CTNNA2: variants seen among roughly 807,000 people sequenced by gnomAD.
The protein encoded by CTNNA2 is catenin alpha 2.
In CTNNA2, 42 loss-of-function variants were observed where a neutral mutation model predicts 101.0. That is an observed-to-expected ratio of 0.42 (90% confidence interval 0.32 to 0.54). The LOEUF is 0.54. Among genes scored for constraint, CTNNA2 ranks in the 20% least tolerant of loss-of-function variants. The pLI is 0.14. For missense variants in CTNNA2, 871 were observed against 1,223.1 expected, an observed-to-expected ratio of 0.71 and a Z score of 4.29; for synonymous variants, 450 against 456.4, an observed-to-expected ratio of 0.99 and a Z score of 0.18.
chr2:79,607,955 A>G (rs183604737), intron 1 of CTNNA2, among the ~76,000 whole-genome samples: 1 of 152,118 alleles, frequency 6.6e-6, no homozygotes, highest in Admixed American at 6.5e-5. Context: ...AGCAGAGAAA[A>G]TCAGTGAAAA....
At chr2:79,987,825 G>T (rs1691873628) in intron 7 of CTNNA2, among the ~76,000 whole-genome samples, 1 of 152,180 alleles carries the variant, frequency 6.6e-6, no homozygotes, top group Admixed American at 6.5e-5. Context: ...AGTGGAAAAT[G>T]CCCAGAATAC....
chr2:79,629,695 C>G (rs1381418628), intron 1 of CTNNA2, among the ~76,000 whole-genome samples: 1 of 152,138 alleles, frequency 6.6e-6, no homozygotes, highest in Admixed American at 6.5e-5. Context: ...GCATTATGAT[C>G]TCAGTGTCTC....
At chr2:80,547,456 T>A (rs550768429) in intron 11 of CTNNA2, among the ~76,000 whole-genome samples, 8 of 152,240 alleles carry the variant, frequency 5.3e-5, no homozygotes, top group African/African-American at 1.7e-4. Flanking sequence ...ACTCTATAAT[T>A]CTCAATATGT....
chr2:80,644,742 C>T (rs1673879361), intron 18 of CTNNA2, among the ~76,000 whole-genome samples: 1 of 152,054 alleles, frequency 6.6e-6, no homozygotes, highest in Admixed American at 6.5e-5. Context: ...GTTCAGTTGG[C>T]TGGATCTCTC....
chr2:80,208,675 C>A (rs911712657), intron 7 of CTNNA2, among the ~76,000 whole-genome samples: 2 of 152,114 alleles, frequency 1.3e-5, no homozygotes, highest in Non-Finnish European at 2.9e-5. Flanking sequence ...GGATCCAGGC[C>A]TCAGGCATAG....
intron 7 of CTNNA2, among the ~76,000 whole-genome samples, chr2:80,263,524 T>G (rs1208522242): frequency 2.6e-5 from 4 of 152,104 alleles, no homozygotes; most frequent in Non-Finnish European, 4.4e-5. Flanking sequence ...TTAGTACAGA[T>G]GGGGTTTCAC....
intron 7 of CTNNA2, among the ~76,000 whole-genome samples, chr2:79,955,199 A>C (rs973697284): frequency 3.3e-5 from 5 of 152,148 alleles, no homozygotes; most frequent in Non-Finnish European, 7.3e-5. Context: ...AGATCTCTTC[A>C]TCTTGATAAA....
intron 7 of CTNNA2, among the ~76,000 whole-genome samples, chr2:80,022,175 T>G (rs1694612319): frequency 6.6e-6 from 1 of 152,228 alleles, no homozygotes; most frequent in Non-Finnish European, 1.5e-5. Flanking sequence ...TGGGTTTATA[T>G]GACAGCACTG....
At chr2:80,135,249 C>G (rs998542865) in intron 7 of CTNNA2, among the ~76,000 whole-genome samples, 3 of 152,122 alleles carry the variant, frequency 2.0e-5, no homozygotes, top group African/African-American at 7.2e-5. Flanking sequence ...TCCTAGCAGC[C>G]AACAGGCCAT....
chr2:79,244,120 G>A (rs904929496), intron 2 of CTNNA2, among the ~76,000 whole-genome samples: 2 of 152,008 alleles, frequency 1.3e-5, no homozygotes, highest in Non-Finnish European at 2.9e-5. Context: ...CCTACTCTGG[G>A]CCTCATCTTC....
At chr2:79,981,303 T>A (rs1455415240) in intron 7 of CTNNA2, among the ~76,000 whole-genome samples, 1 of 152,172 alleles carries the variant, frequency 6.6e-6, no homozygotes, top group Non-Finnish European at 1.5e-5. Flanking sequence ...TACATTTTTT[T>A]AGGATTGATC....
intron 7 of CTNNA2, among the ~76,000 whole-genome samples, chr2:80,045,798 A>G (rs1176672973): frequency 1.3e-5 from 2 of 152,214 alleles, no homozygotes; most frequent in East Asian, 3.8e-4. Context: ...AATTTCATGA[A>G]AACAGGCCAT....
chr2:79,686,103 A>G (rs1683912017), intron 2 of CTNNA2, among the ~76,000 whole-genome samples: 1 of 152,114 alleles, frequency 6.6e-6, no homozygotes, highest in Non-Finnish European at 1.5e-5. Flanking sequence ...CTGAGCATAG[A>G]GTGATTAAGA....
intron 3 of CTNNA2, among the ~76,000 whole-genome samples, chr2:79,833,884 G>T (rs769679923): frequency 7.2e-5 from 11 of 152,038 alleles, no homozygotes; most frequent in Admixed American, 3.3e-4. Context: ...TGAATGTATC[G>T]TTTACCATTT....
At chr2:80,500,606 G>A (rs1687805649) in intron 9 of CTNNA2, among the ~76,000 whole-genome samples, 1 of 152,068 alleles carries the variant, frequency 6.6e-6, no homozygotes, top group South Asian at 2.1e-4. Context: ...AGAGTAGTGT[G>A]CAGCGGAATA....
At chr2:80,548,998 C>T (rs1050122453) in intron 11 of CTNNA2, among the ~76,000 whole-genome samples, 7 of 151,954 alleles carry the variant, frequency 4.6e-5, no homozygotes, top group African/African-American at 9.7e-5. Flanking sequence ...TTTTTTAATG[C>T]TACCCTAACT....
intron 2 of CTNNA2, among the ~76,000 whole-genome samples, chr2:79,258,999 G>C (rs527636864): frequency 6.6e-6 from 1 of 151,998 alleles, no homozygotes; most frequent in Non-Finnish European, 1.5e-5. Flanking sequence ...GGTGTGAAAC[G>C]CATGACCCTA....
intron 2 of CTNNA2, among the ~76,000 whole-genome samples, chr2:79,742,108 C>T (rs1195415020): frequency 1.3e-5 from 2 of 152,110 alleles, no homozygotes; most frequent in Non-Finnish European, 2.9e-5. Flanking sequence ...TTTCTTCCCC[C>T]CCACAAAACT....
rs937523321 is a variant in CTNNA2 at position 80,490,595 on chromosome 2, A to C, written c.1291-54387A>C. Among the ~76,000 whole-genome samples, 5 of 152,248 alleles carry C rather than the reference A, an allele frequency of 3.3e-5. No homozygotes were observed. In the South Asian group the frequency reaches 1.0e-3, roughly 32 times the overall value. ...GGGCCAGATTTAAACAGCGGGCTGCAGTTTGCTGAGCTCAGTTTTAGATAA... is the reference window on the plus strand; with the variant it reads ...GGGCCAGATTTAAACAGCGGGCTGCCGTTTGCTGAGCTCAGTTTTAGATAA... On this transcript the variant is annotated intron_variant, in intron 9 of 18. Coordinates refer to ENST00000402739, the MANE Select transcript of CTNNA2 (RefSeq NM_001282597.3).
Sources: gnomAD v4.1 joint callset for allele counts (sites outside exome capture counted in the v4.1 genomes callset) on GRCh38, gnomAD v4.1.1 for gene constraint, MANE v1.5 for transcripts, NCBI Gene and HGNC (gene_info 2026-07-23, HGNC 2026-07-21) for gene names.